The following CADM2 variants were observed in gnomAD, a reference collection of about 807,000 sequenced individuals.
CADM2 encodes the protein immunoglobulin superfamily member 4D.
Under a neutral mutation model 49.8 loss-of-function variants are expected in CADM2, and 12 were observed. The ratio of observed to expected loss-of-function variants is 0.24; its 90% CI spans 0.15 to 0.39. CADM2 has a LOEUF of 0.39. Ranked by LOEUF, CADM2 falls within the 10% of genes least tolerant of loss-of-function variation. The probability of loss-of-function intolerance (pLI) is 1.00; values close to 1 mark genes in which losing one functional copy is unlikely to be tolerated. For synonymous variants in CADM2, 214 were observed against 175.4 expected (o/e 1.22, Z -1.74); for missense variants, 378 against 492.3 (o/e 0.77, Z 2.20).
intron 2 of CADM2, among the ~76,000 whole-genome samples, chr3:85,771,325 G>T (rs2070074977): frequency 6.6e-6 from 1 of 151,990 alleles, no homozygotes; most frequent in South Asian, 2.1e-4. Context: ...ACAAATTAAT[G>T]TTCCTATGGT....
intron 2 of CADM2, chr3:85,799,972 A>G (rs1272193588): frequency 6.6e-6 from 1 of 152,322 alleles, no homozygotes; most frequent in Non-Finnish European, 1.5e-5. Flanking sequence ...AAGTCTGTTG[A>G]AGCTGCACCC....
At chr3:85,311,661 C>T (rs1053816464) in intron 1 of CADM2, among the ~76,000 whole-genome samples, 6 of 152,122 alleles carry the variant, frequency 3.9e-5, no homozygotes, top group African/African-American at 1.2e-4. Context: ...CAGGCGTGAG[C>T]CACCACGCCC....
At chr3:85,172,747 G>C (rs1030886568) in intron 1 of CADM2, among the ~76,000 whole-genome samples, 1 of 151,358 alleles carries the variant, frequency 6.6e-6, no homozygotes, top group Non-Finnish European at 1.5e-5. Flanking sequence ...GCTGTTGGAA[G>C]ATGCTGTAAG....
At chr3:85,882,147 TCCCCCCGCCCCCACCCCGCATATAC>T (rs1391200814) in intron 3 of CADM2, among the ~76,000 whole-genome samples, 2 of 148,706 alleles carry the variant, frequency 1.3e-5, no homozygotes, top group African/African-American at 5.0e-5. Flanking sequence ...GGTAGAGACA[TCCCCCCGCCCCCACCCCGCATATAC>T]CCTCCCGCCT....
rs144217261 is a variant in CADM2 at position 85,020,489 on chromosome 3, T to A, written c.61+60821T>A. Among the ~76,000 whole-genome samples the A allele has an allele frequency of 5.6e-3, 857 of 152,326 alleles. 6 individuals are homozygous for A. The highest frequency in any genetic ancestry group is 0.02 in the African/African-American group (823 of 41,580). ...GGTGTTATGAATAAATTCATAGCTA[T>A]AATAAACAATCTACTTTTATTCATA... On this transcript the variant is annotated intron_variant, in intron 1 of 9. Coordinates refer to ENST00000383699, the MANE Select transcript of CADM2 (RefSeq NM_001167675.2).
intron 1 of CADM2, among the ~76,000 whole-genome samples, chr3:84,991,334 T>C (rs2032873464): frequency 6.6e-6 from 1 of 152,132 alleles, no homozygotes; most frequent in Non-Finnish European, 1.5e-5. Context: ...GCACCATTTA[T>C]ACAGTAGGCT....
At chr3:85,031,902 T>C (rs2035007363) in intron 1 of CADM2, among the ~76,000 whole-genome samples, 2 of 152,214 alleles carry the variant, frequency 1.3e-5, no homozygotes, top group African/African-American at 4.8e-5. Flanking sequence ...TAAAAAGCTT[T>C]ACGTATCTCC....
chr3:85,013,308 G>A (rs2034086089), intron 1 of CADM2, among the ~76,000 whole-genome samples: 1 of 151,862 alleles, frequency 6.6e-6, no homozygotes, highest in African/African-American at 2.4e-5. Flanking sequence ...CTATGCTCAA[G>A]CAGCTGTTGA....
intron 8 of CADM2, among the ~76,000 whole-genome samples, chr3:85,973,061 A>T (rs986394973): frequency 6.6e-6 from 1 of 151,774 alleles, no homozygotes; most frequent in African/African-American, 2.4e-5. Flanking sequence ...AGGAATTATG[A>T]AAAATCATCT....
intron 1 of CADM2, among the ~76,000 whole-genome samples, chr3:85,479,136 T>C (rs2039104116): frequency 6.6e-6 from 1 of 151,790 alleles, no homozygotes; most frequent in Non-Finnish European, 1.5e-5. Flanking sequence ...TTTTGTGTTT[T>C]AGAGATGGGA....
intron 1 of CADM2, among the ~76,000 whole-genome samples, chr3:85,202,412 A>G (rs533407966): frequency 6.6e-6 from 1 of 152,274 alleles, no homozygotes; most frequent in East Asian, 1.9e-4. Flanking sequence ...CAGCTGCAGA[A>G]TGGATGTTGT....
intron 8 of CADM2, chr3:86,014,485 T>A (rs1352264612): frequency 2.0e-6 from 3 of 1,522,062 alleles, no homozygotes; most frequent in East Asian, 2.3e-5. Context: ...GATATTCAAA[T>A]GAAACTCCCT....
intron 7 of CADM2, among the ~76,000 whole-genome samples, chr3:85,939,468 A>AAAAAACACAC (rs1553710488): frequency 1.5e-5 from 2 of 136,978 alleles, no homozygotes; most frequent in African/African-American, 5.5e-5. Flanking sequence ...AGTAAACGAA[A>AAAAAACACAC]ACACACACAC....
chr3:85,537,845 A>G lies in CADM2; in HGVS notation c.62-188677A>G, dbSNP rs530738806. Among the ~76,000 whole-genome samples, 269 of 152,188 alleles carry G rather than the reference A, an allele frequency of 1.8e-3. 3 individuals carry two copies. Among genetic ancestry groups the G allele is most frequent in the Middle Eastern group, 0.017 (5 of 292 alleles). On this transcript the variant is annotated intron_variant, in intron 1 of 9. Coordinates refer to ENST00000383699, the MANE Select transcript of CADM2 (RefSeq NM_001167675.2). ...TTATATATCAAAATTTAACAGCATC[A>G]TCTTCAAATTTATCATAACCTTGAC...
intron 1 of CADM2, among the ~76,000 whole-genome samples, chr3:85,200,699 A>G (rs535810959): frequency 4.3e-4 from 66 of 152,288 alleles, no homozygotes; most frequent in African/African-American, 1.6e-3. Context: ...TTCTATGTCC[A>G]TTATTTAGCA....
In CADM2 at chr3:85,941,099, A is replaced by T. The variant is rs891177546; in HGVS notation, c.791+5242A>T. On this transcript the variant is annotated intron_variant, in intron 7 of 9. Coordinates refer to ENST00000383699, the MANE Select transcript of CADM2 (RefSeq NM_001167675.2). The stretch of plus-strand genomic sequence containing the variant: ...TTTATCTCTAAAATGAAGAACACAA[A>T]ATTTATCAAACAGATTGTTTTAATA... Among the ~76,000 whole-genome samples, 11 of 152,064 alleles carry T rather than the reference A, an allele frequency of 7.2e-5. No individual in the cohort carries two copies. The East Asian group carries it at 2.1e-3, about 29-fold the overall frequency.
chr3:85,224,350 G>A (rs1160438832), intron 1 of CADM2, among the ~76,000 whole-genome samples: 1 of 152,172 alleles, frequency 6.6e-6, no homozygotes, highest in African/African-American at 2.4e-5. Context: ...CTAATGAACA[G>A]CGATGATGAG....
chr3:85,119,966 C>A (rs942072948), intron 1 of CADM2, among the ~76,000 whole-genome samples: 1 of 152,128 alleles, frequency 6.6e-6, no homozygotes, highest in Non-Finnish European at 1.5e-5. Flanking sequence ...CCAGAATCTA[C>A]AATGAACTTA....
intron 1 of CADM2, among the ~76,000 whole-genome samples, chr3:85,303,268 T>C (rs902267982): frequency 2.0e-5 from 3 of 151,952 alleles, no homozygotes; most frequent in African/African-American, 7.2e-5. Flanking sequence ...CATTTTATTT[T>C]TCTTCCTCCC....
Sources: allele counts gnomAD v4.1 joint callset (sites outside exome capture counted in the v4.1 genomes callset), GRCh38; gene constraint gnomAD v4.1.1; transcripts MANE v1.5; gene names NCBI Gene and HGNC (gene_info 2026-07-23, HGNC 2026-07-21).